The following LRRC69 variants were observed in gnomAD, a reference collection of about 807,000 sequenced individuals.
LRRC69 encodes the protein leucine rich repeat containing 69.
In LRRC69, 42 loss-of-function variants were observed where a neutral mutation model predicts 37.8. The observed-to-expected ratio is 1.11, with a 90% CI of 0.87 to 1.44. The LOEUF is 1.44. Among genes scored for constraint, LRRC69 ranks in the 40% most tolerant of loss-of-function variants. LRRC69 has a pLI of 0.00. For synonymous variants in LRRC69, 141 were observed against 143.1 expected (o/e 0.99, Z 0.11); for missense variants, 357 against 401.9 (o/e 0.89, Z 0.96).
At position 91,111,031 on chromosome 8, in the gene LRRC69, A is replaced by G. The variant is rs762366228; in HGVS notation, c.183+8187A>G. On this transcript the variant is annotated intron_variant, in intron 1 of 7. Coordinates refer to ENST00000448384, the Ensembl canonical transcript of LRRC69. ...GATCTAAGCAGGCATCATTCAACTA[A>G]TATTTATTGAGCAACTATTATATTC... 8.2e-4 allele frequency among the ~76,000 whole-genome samples: 125 copies of G among 152,192 alleles called. 2 individuals are homozygous for G. The highest frequency in any genetic ancestry group is 2.0e-3 in the Admixed American group (31 of 15,276).
At chr8:91,200,749 T>TAAC in exon 7 of LRRC69, 1 of 1,534,628 alleles carries the variant, frequency 6.5e-7, no homozygotes, top group Non-Finnish European at 8.8e-7. Flanking sequence ...CAGTACTTTA[T>TAAC]AACCGTATGG....
At chr8:91,211,830 G>A (rs977413784) in intron 7 of LRRC69, among the ~76,000 whole-genome samples, 26 of 151,974 alleles carry the variant, frequency 1.7e-4, no homozygotes, top group African/African-American at 4.8e-4. Context: ...ACACTCAAAG[G>A]AGGGAGACAC....
At position 91,195,886 on chromosome 8, in the gene LRRC69, G is replaced by C. The variant is rs1053287763; in HGVS notation, c.754-4727G>C. Among the ~76,000 whole-genome samples, 24 of 152,130 alleles carry C rather than the reference G, an allele frequency of 1.6e-4. 3 individuals are homozygous for C. Among genetic ancestry groups the C allele is most frequent in the African/African-American group, 5.5e-4 (23 of 41,532 alleles). On this transcript the variant is annotated intron_variant, in intron 6 of 7. Coordinates refer to ENST00000448384, the Ensembl canonical transcript of LRRC69. ...TTATGTGTGAATTTGATCCTGTCAT[G>C]ATGATGTTAGCTGGTTATTTTGCTC...
At chr8:91,181,652 G>T (rs1164727839) in intron 5 of LRRC69, among the ~76,000 whole-genome samples, 1 of 152,122 alleles carries the variant, frequency 6.6e-6, no homozygotes. Flanking sequence ...AAATAAACTG[G>T]CAAGACCTAG....
intron 2 of LRRC69, among the ~76,000 whole-genome samples, chr8:91,125,851 A>G (rs781418002): frequency 2.0e-5 from 3 of 151,686 alleles, no homozygotes; most frequent in Non-Finnish European, 4.4e-5. Context: ...GAATGTCTTT[A>G]GTTTCTATAT....
rs879458851 is a variant in LRRC69, at chr8:91,186,460, G to GA, written c.652-3062_652-3061insA. Among the ~76,000 whole-genome samples, 856 of 152,278 alleles carry GA rather than the reference G, an allele frequency of 5.6e-3. 4 individuals are homozygous for GA. Among genetic ancestry groups the GA allele is most frequent in the Non-Finnish European group, 9.3e-3 (633 of 68,010 alleles). On this transcript the variant is annotated intron_variant, in intron 5 of 7. Transcript: ENST00000448384. Reference sequence around the variant, plus strand: ...AAAGGGTATGGCATGAGTCATAACTGTGAGATAAGATACAGGCCTGTCATG... The same window carrying GA: ...AAAGGGTATGGCATGAGTCATAACTGATGAGATAAGATACAGGCCTGTCATG...
rs532324409 is a variant in LRRC69, at chr8:91,113,540, A to G, written c.183+10696A>G. Among the ~76,000 whole-genome samples, 9 of 152,144 alleles carry G rather than the reference A, an allele frequency of 5.9e-5. No individual in the cohort carries two copies. In the South Asian group the frequency reaches 1.9e-3, roughly 32 times the overall value. Reference sequence around the variant, plus strand: ...AATAATTAAATTGGACCCTTATCTCATATGGTATACAAAAATCAACTTAAA... The same window carrying G: ...AATAATTAAATTGGACCCTTATCTCGTATGGTATACAAAAATCAACTTAAA... On this transcript the variant is annotated intron_variant, in intron 1 of 7. Coordinates refer to ENST00000448384, the Ensembl canonical transcript of LRRC69.
At chr8:91,115,200 C>T (rs1290727730) in intron 1 of LRRC69, among the ~76,000 whole-genome samples, 1 of 151,524 alleles carries the variant, frequency 6.6e-6, no homozygotes, top group Non-Finnish European at 1.5e-5. Context: ...GTGTTCTGAT[C>T]ATACATACGC....
intron 1 of LRRC69, among the ~76,000 whole-genome samples, chr8:91,122,578 G>A (rs1246120474): frequency 6.6e-6 from 1 of 151,964 alleles, no homozygotes; most frequent in Non-Finnish European, 1.5e-5. Context: ...GGGGTCTCAT[G>A]TTTTCTACCA....
chr8:91,150,427 G>A (rs1212286966), intron 5 of LRRC69, among the ~76,000 whole-genome samples: 1 of 151,928 alleles, frequency 6.6e-6, no homozygotes, highest in Non-Finnish European at 1.5e-5. Flanking sequence ...GCATCCCAGA[G>A]ATGAAGCCCA....
At chr8:91,147,286 CAT>C (rs34691691) in intron 5 of LRRC69, among the ~76,000 whole-genome samples, 7,747 of 145,224 alleles carry the variant, frequency 0.053, 288 homozygotes, top group Middle Eastern at 0.16. Flanking sequence ...TATATATAAA[CAT>C]ATTATATATT....
intron 5 of LRRC69, among the ~76,000 whole-genome samples, chr8:91,147,908 G>A (rs1390379568): frequency 6.6e-6 from 1 of 151,560 alleles, no homozygotes; most frequent in East Asian, 1.9e-4. Flanking sequence ...CCTTCCCTGT[G>A]TCCATGTATT....
At chr8:91,217,753 A>G (rs529551414) in intron 7 of LRRC69, among the ~76,000 whole-genome samples, 1 of 152,324 alleles carries the variant, frequency 6.6e-6, no homozygotes, top group South Asian at 2.1e-4. Flanking sequence ...AGGAAAAACC[A>G]AGACGTCCAC....
chr8:91,166,492 G>GAAAAAAAAAAAAAAAAA (rs66705016), intron 5 of LRRC69, among the ~76,000 whole-genome samples: 6 of 95,298 alleles, frequency 6.3e-5, no homozygotes, highest in African/African-American at 2.1e-4. Flanking sequence ...AAAATAAACT[G>GAAAAAAAAAAAAAAAAA]AAAAAAAAAA....
In LRRC69 at chr8:91,127,174, T is replaced by C; in HGVS notation, c.383+14T>C. Reference sequence around the variant, plus strand: ...AGAAGTCAGCAGGTAATTTTGTTTATAGCAAGACTTGGTTAACAATCGTGC... The same window carrying C: ...AGAAGTCAGCAGGTAATTTTGTTTACAGCAAGACTTGGTTAACAATCGTGC... On this transcript the variant is annotated intron_variant, in intron 3 of 7. Transcript: ENST00000448384. 1 of 1,543,038 alleles carries C rather than the reference T, an allele frequency of 6.5e-7. No homozygotes were observed. Among genetic ancestry groups the C allele is most frequent in the Non-Finnish European group, 8.8e-7 (1 of 1,141,410 alleles).
chr8:91,194,018 G>A (rs1345797135), intron 6 of LRRC69, among the ~76,000 whole-genome samples: 53 of 122,166 alleles, frequency 4.3e-4, no homozygotes, highest in African/African-American at 1.4e-3. Flanking sequence ...TTTGAAATAC[G>A]TCCCATCAAT....
chr8:91,162,896 C>T (rs1563610511), intron 5 of LRRC69, among the ~76,000 whole-genome samples: 1 of 150,778 alleles, frequency 6.6e-6, no homozygotes, highest in Non-Finnish European at 1.5e-5. Context: ...TCAGCTTTGT[C>T]TACATGTTGT....
chr8:91,120,261 C>T (rs1813596016), intron 1 of LRRC69, among the ~76,000 whole-genome samples: 1 of 152,030 alleles, frequency 6.6e-6, no homozygotes, highest in African/African-American at 2.4e-5. Context: ...GTTTAGCCTT[C>T]CCCTGGGATA....
At chr8:91,160,293 G>A (rs897476079) in intron 5 of LRRC69, among the ~76,000 whole-genome samples, 1 of 148,674 alleles carries the variant, frequency 6.7e-6, no homozygotes, top group Non-Finnish European at 1.5e-5. Flanking sequence ...GGAATCTTTA[G>A]TTTTTTGTTT....
Sources: gnomAD v4.1 joint callset for allele counts (sites outside exome capture counted in the v4.1 genomes callset) on GRCh38, gnomAD v4.1.1 for gene constraint, MANE v1.5 for transcripts, NCBI Gene and HGNC (gene_info 2026-07-23, HGNC 2026-07-21) for gene names.